Variants in EPHB4 observed in about 807,000 individuals in gnomAD.
The protein encoded by EPHB4 is ephrin type-B receptor 4.
A neutral mutation model predicts 110.6 loss-of-function variants in EPHB4; 50 were observed. The ratio of observed to expected loss-of-function variants is 0.45; its 90% CI spans 0.36 to 0.57. The LOEUF (loss-of-function observed/expected upper bound fraction) is 0.57, where lower values mean the gene tolerates loss of function less well. Ranked by LOEUF, EPHB4 falls within the 20% of genes least tolerant of loss-of-function variation. The probability of loss-of-function intolerance (pLI) is 0.00; values close to 1 mark genes in which losing one functional copy is unlikely to be tolerated. For synonymous variants in EPHB4, 592 were observed against 578.4 expected (o/e 1.02, Z -0.34); for missense variants, 1,128 against 1,382.1 (o/e 0.82, Z 2.91).
intron 12 of EPHB4, among the ~76,000 whole-genome samples, chr7:100,811,946 CG>C (rs1236598602): frequency 6.6e-6 from 1 of 150,424 alleles, no homozygotes; most frequent in Non-Finnish European, 1.5e-5. Context: ...CCGAGGCAGG[CG>C]GATCACCTGA....
chr7:100,812,408 G>A (rs1812955630), intron 12 of EPHB4, among the ~76,000 whole-genome samples: 1 of 151,966 alleles, frequency 6.6e-6, no homozygotes, highest in African/African-American at 2.4e-5. Context: ...TGGCCTACAT[G>A]GTGAAACCCT....
At chr7:100,815,073 C>A (rs772423115) in intron 8 of EPHB4, among the ~76,000 whole-genome samples, 5 of 151,708 alleles carry the variant, frequency 3.3e-5, no homozygotes, top group Non-Finnish European at 7.4e-5. Context: ...AATCACAGCA[C>A]TTTGGGAGGC....
intron 8 of EPHB4, among the ~76,000 whole-genome samples, chr7:100,816,474 C>T (rs1281820154): frequency 6.6e-6 from 1 of 151,824 alleles, no homozygotes; most frequent in East Asian, 2.0e-4. Flanking sequence ...GCTGGGATTA[C>T]AGGTGTGCAC....
chr7:100,812,791 G>A lies in EPHB4; in HGVS notation c.2074C>T (p.Leu692Phe), dbSNP rs1193403331. The change falls in exon 12 of 17, where the codon CTC becomes TTC. Residue 692 changes from leucine to phenylalanine, a missense_variant. Transcript: ENST00000358173. ...VVTNSMPVMILTEFMENGALD... is the reference protein window; with the variant it reads ...VVTNSMPVMIFTEFMENGALD... ...GCGCCGTTCTCCATGAACTCTGTGAGAATCATGACGGGCATGCTGTTGGTG... is the reference window on the plus strand; with the variant it reads ...GCGCCGTTCTCCATGAACTCTGTGAAAATCATGACGGGCATGCTGTTGGTG... 1 of 1,614,144 alleles carries A rather than the reference G, an allele frequency of 6.2e-7. No individual in the cohort carries two copies.
At chr7:100,814,079 C>A in intron 8 of EPHB4, 58 bp from the exon 9 acceptor site, 1 of 1,586,482 alleles carries the variant, frequency 6.3e-7, no homozygotes, top group Non-Finnish European at 8.6e-7. Flanking sequence ...GAGGCCCCAG[C>A]CCCGGCTTTG....
In EPHB4 at chr7:100,822,287, C is replaced by A; in HGVS notation, c.792G>T (p.Gly264=). 1 of 1,562,738 alleles carries A rather than the reference C, an allele frequency of 6.4e-7. No individual in the cohort carries two copies. The highest frequency in any genetic ancestry group is 8.7e-7 in the Non-Finnish European group (1 of 1,152,590). ...SCAPGFEAAE[G]NTKCRACAQG... ...AGCTCTCACCTCGGCACTTGGTGTTCCCCTCAGCTGCCTCGAACCCCGGAG... is the reference window on the plus strand; with the variant it reads ...AGCTCTCACCTCGGCACTTGGTGTTACCCTCAGCTGCCTCGAACCCCGGAG... The change falls in exon 4 of 17, where the codon GGG becomes GGT. Residue 264 remains glycine, a synonymous_variant. Transcript: ENST00000358173. The surrounding 1 kb of genome is among the most constrained non-coding windows in gnomAD (Gnocchi z 4.7).
chr7:100,805,108 G>A, intron 16 of EPHB4, 58 bp downstream of exon 16: 1 of 1,569,722 alleles, frequency 6.4e-7, no homozygotes, highest in Non-Finnish European at 8.6e-7. Flanking sequence ...AGACCCCGTG[G>A]GCCTGACTCC....
intron 12 of EPHB4, among the ~76,000 whole-genome samples, chr7:100,808,662 T>A (rs952321342): frequency 1.3e-5 from 2 of 152,236 alleles, no homozygotes; most frequent in African/African-American, 4.8e-5. Flanking sequence ...AACCAAGGTC[T>A]GAAGCCCAAC....
intron 3 of EPHB4, among the ~76,000 whole-genome samples, chr7:100,823,246 G>A (rs888891085): frequency 6.6e-6 from 1 of 152,182 alleles, no homozygotes; most frequent in African/African-American, 2.4e-5. Context: ...GATCTCGGGA[G>A]CTGGAACTCC....
At position 100,807,598 on chromosome 7, in the gene EPHB4, T is replaced by TG. The variant is rs1356591676; in HGVS notation, c.2119-19dup. Reference sequence around the variant, plus strand: ...TCGTTTAGCTGGAGAGCAGATAGGGTGGGGGCTTGGTGAGGACAGCCCACC... The same window carrying TG: ...TCGTTTAGCTGGAGAGCAGATAGGGTGGGGGGCTTGGTGAGGACAGCCCACC... On this transcript the variant is annotated intron_variant, in intron 12 of 16. Coordinates refer to ENST00000358173, the MANE Select transcript of EPHB4 (RefSeq NM_004444.5). 6.2e-7 allele frequency: 1 copy of TG among 1,608,336 alleles called. No homozygotes were observed. The highest frequency in any genetic ancestry group is 8.5e-7 in the Non-Finnish European group (1 of 1,175,952).
intron 12 of EPHB4, among the ~76,000 whole-genome samples, chr7:100,809,791 G>T (rs2116424190): frequency 6.6e-6 from 1 of 152,330 alleles, no homozygotes; most frequent in East Asian, 1.9e-4. Context: ...TGGGATTACA[G>T]GTGTGTGTCA....
chr7:100,803,327 C>T lies in EPHB4; in HGVS notation c.*134G>A. 3 of 1,136,794 alleles carry T rather than the reference C, an allele frequency of 2.6e-6. No individual in the cohort carries two copies. Among genetic ancestry groups the T allele is most frequent in the Admixed American group, 3.3e-5 (1 of 30,250 alleles). 70.4% of individuals were successfully genotyped at this position (1,136,794 alleles called of 1,614,324 possible). ...GGCAGAACCCCCAAATCCTGTCTCT[C>T]CAAATTGCCAACTCCTCACCCCACG... On this transcript the variant is annotated 3_prime_UTR_variant, in exon 17 of 17. Coordinates refer to ENST00000358173, the MANE Select transcript of EPHB4 (RefSeq NM_004444.5).
intron 5 of EPHB4, 109 bp from the exon 6 acceptor site, chr7:100,819,998 G>T: frequency 1.4e-6 from 2 of 1,466,732 alleles, no homozygotes; most frequent in Non-Finnish European, 9.1e-7. Flanking sequence ...GAGACAGTGG[G>T]CTCCACATGT....
intron 12 of EPHB4, among the ~76,000 whole-genome samples, chr7:100,810,682 T>C (rs1179549231): frequency 6.6e-6 from 1 of 151,996 alleles, no homozygotes; most frequent in African/African-American, 2.4e-5. Context: ...GTTTGGAGGC[T>C]GCAGTGAGCT....
intron 8 of EPHB4, among the ~76,000 whole-genome samples, chr7:100,816,207 G>A (rs924272028): frequency 3.3e-5 from 5 of 152,068 alleles, no homozygotes; most frequent in South Asian, 2.1e-4. Context: ...CACTGGCCTA[G>A]CATATTAAAA....
rs1484547615 is a variant in EPHB4 at position 100,819,731 on chromosome 7, C to T, written c.1123G>A (p.Gly375Arg). 3.1e-6 allele frequency: 5 copies of T among 1,611,516 alleles called. No homozygotes were observed. Among genetic ancestry groups the T allele is most frequent in the Middle Eastern group, 1.7e-4 (1 of 6,060 alleles). ...GGGCCGGGGTCAAAAGTCAGGTCTCCCCCGCAGGGCGCACAGGAGCCTCCG... is the reference window on the plus strand; with the variant it reads ...GGGCCGGGGTCAAAAGTCAGGTCTCTCCCGCAGGGCGCACAGGAGCCTCCG... ...RPGGSCAPCG[G>R]DLTFDPGPRD... The change falls in exon 6 of 17, where the codon GGA becomes AGA. Residue 375 changes from glycine (G) to arginine (R), a missense_variant. Around this residue, in one of 3 missense-constraint regions of EPHB4, gnomAD observed 728 missense variants for 828.6 expected, o/e 0.88. Transcript: ENST00000358173.
chr7:100,822,154 A>G lies in EPHB4; in HGVS notation c.808+117T>C, dbSNP rs1289316735. ...TGCACTCCAGCCTGGGTGACAGAGC[A>G]AGCCTCCATTTCAACATCTAACTAT... On this transcript the variant is annotated intron_variant, in intron 4 of 16. Coordinates refer to ENST00000358173, the MANE Select transcript of EPHB4 (RefSeq NM_004444.5). The surrounding 1 kb of genome is among the most constrained non-coding windows in gnomAD (Gnocchi z 4.7). 4.4e-6 allele frequency: 6 copies of G among 1,375,404 alleles called. No individual in the cohort carries two copies. The East Asian group carries it at 1.5e-4, about 35-fold the overall frequency. The allele number at this position is 1,375,404 out of a possible 1,614,324, so 85.2% of individuals were successfully genotyped here. A position where few individuals can be genotyped will look rare whatever the true frequency, so the allele number is the denominator to read the frequency against.
At chr7:100,824,988 T>A (rs1475523292) in intron 1 of EPHB4, 1 of 146,244 alleles carries the variant, frequency 6.8e-6, no homozygotes, top group Non-Finnish European at 1.5e-5. Flanking sequence ...TTGGCTCGGA[T>A]CATCGGGGGA....
chr7:100,805,710 G>T lies in EPHB4; in HGVS notation c.2485-16C>A. 1 of 1,448,520 alleles carries T rather than the reference G, an allele frequency of 6.9e-7. No homozygotes were observed. Among genetic ancestry groups the T allele is most frequent in the Non-Finnish European group, 9.1e-7 (1 of 1,100,300 alleles). 89.7% of individuals were successfully genotyped at this position (1,448,520 alleles called of 1,614,324 possible). A position where few individuals can be genotyped will look rare whatever the true frequency, so the allele number is the denominator to read the frequency against. On this transcript the variant is annotated splice_polypyrimidine_tract_variant and intron_variant, in intron 14 of 16. Transcript: ENST00000358173. ...CATTGATCACCTGGAAAGAGGGGAA[G>T]AAGCTCTGGGTGAGGCTGTCCAGGA...
Sources: gnomAD v4.1 joint callset for allele counts (sites outside exome capture counted in the v4.1 genomes callset) on GRCh38, gnomAD v4.1.1 for gene constraint, gnomAD v4.1.1 regional missense constraint, Gnocchi (gnomAD v3.1) non-coding constraint, MANE v1.5 for transcripts, NCBI Gene and HGNC (gene_info 2026-07-23, HGNC 2026-07-21) for gene names.